Variants in GLIS3 observed in about 807,000 individuals in gnomAD.
The protein encoded by GLIS3 is GLIS family zinc finger 3, also known as zinc finger protein GLIS3.
Under a neutral mutation model 78.6 loss-of-function variants are expected in GLIS3, and 53 were observed. The ratio of observed to expected loss-of-function variants is 0.67; its 90% CI spans 0.54 to 0.85. The LOEUF (loss-of-function observed/expected upper bound fraction) is 0.85, where lower values mean the gene tolerates loss of function less well. GLIS3 is among the 40% of genes least tolerant of loss of function. The pLI is 0.00. For missense variants in GLIS3, 1,703 were observed against 1,231.1 expected (o/e 1.38, Z -5.74); for synonymous variants, 684 against 509.9 (o/e 1.34, Z -4.60).
chr9:3,879,548 C>T lies in GLIS3; in HGVS notation c.2176G>A (p.Gly726Arg). Residue 726 changes from glycine (G) to arginine (R), a missense_variant, in exon 8 of 11, where the codon GGG (glycine) becomes AGG (arginine). Gly to Arg is a moderately radical substitution (Grantham distance 125, BLOSUM62 -2). Transcript: ENST00000381971. Reference protein sequence around the residue: ...NYSSRSGTAAGAVPPPHPVSH... With the variant: ...NYSSRSGTAARAVPPPHPVSH... ...ACAGGATGTGGGGGTGGTACGGCCCCAGCAGCTGTTCCACTTCGGCTTGAA... is the reference window on the plus strand; with the variant it reads ...ACAGGATGTGGGGGTGGTACGGCCCTAGCAGCTGTTCCACTTCGGCTTGAA... 6.2e-7 allele frequency: 1 copy of T among 1,614,090 alleles called. No individual in the cohort carries two copies. The highest frequency in any genetic ancestry group is 2.2e-5 in the East Asian group (1 of 44,872).
At chr9:4,349,362 A>G (rs950375986), upstream of GLIS3, among the ~76,000 whole-genome samples, 15 of 152,232 alleles carry the variant, frequency 9.9e-5, no homozygotes, top group Admixed American at 8.5e-4. Flanking sequence ...AATGCTTTAT[A>G]ATAGTAAATG....
In GLIS3 at chr9:4,150,443, C is replaced by T. The variant is rs544255436; in HGVS notation, c.389-24502G>A. Among the ~76,000 whole-genome samples, 126 of 152,312 alleles carry T rather than the reference C, an allele frequency of 8.3e-4. 6 individuals carry two copies. The South Asian group carries it at 0.024, about 29-fold the overall frequency. On this transcript the variant is annotated intron_variant, in intron 2 of 10. Transcript: ENST00000381971. ...AGGGCAAAGTCGCAGGCCAGGAGGC[C>T]AAGTTCAGTCTGTGGCAAGCTCAGC...
chr9:4,431,673 C>G, the GLIS3 span, among the ~76,000 whole-genome samples: 1 of 151,966 alleles, frequency 6.6e-6, no homozygotes, highest in African/African-American at 2.4e-5. Flanking sequence ...GGTGAAATCC[C>G]ATCTCTACTA....
intron 4 of GLIS3, among the ~76,000 whole-genome samples, chr9:4,070,354 G>C (rs1313892509): frequency 6.6e-6 from 1 of 152,166 alleles, no homozygotes; most frequent in Non-Finnish European, 1.5e-5. Flanking sequence ...GACAAAGACT[G>C]CTTACTGGGA....
At chr9:4,037,017 T>A (rs1008125254) in intron 4 of GLIS3, among the ~76,000 whole-genome samples, 1 of 152,146 alleles carries the variant, frequency 6.6e-6, no homozygotes, top group Non-Finnish European at 1.5e-5. Flanking sequence ...GTGTCCATGT[T>A]CTAACCTTTG....
the GLIS3 span, among the ~76,000 whole-genome samples, chr9:4,401,443 T>C: frequency 6.6e-6 from 1 of 151,768 alleles, no homozygotes; most frequent in African/African-American, 2.4e-5. Context: ...ATTTTTTTTT[T>C]AGTAGAGATG....
At chr9:4,151,751 T>C (rs1456998845) in intron 2 of GLIS3, among the ~76,000 whole-genome samples, 2 of 152,146 alleles carry the variant, frequency 1.3e-5, no homozygotes, top group African/African-American at 4.8e-5. Flanking sequence ...TGAGTTTGGA[T>C]AGAGTCCTGT....
At chr9:4,185,056 C>T (rs1817661457) in intron 2 of GLIS3, among the ~76,000 whole-genome samples, 1 of 152,126 alleles carries the variant, frequency 6.6e-6, no homozygotes, top group African/African-American at 2.4e-5. Flanking sequence ...TAAGATTAGA[C>T]CATTGCCATC....
chr9:4,060,964 G>T (rs564540324), intron 4 of GLIS3, among the ~76,000 whole-genome samples: 1 of 152,116 alleles, frequency 6.6e-6, no homozygotes, highest in Non-Finnish European at 1.5e-5. Context: ...CTGCCTGCTA[G>T]TTCCTACTTT....
intron 9 of GLIS3, among the ~76,000 whole-genome samples, chr9:3,842,637 G>C (rs188654670): frequency 6.6e-5 from 10 of 152,266 alleles, no homozygotes; most frequent in African/African-American, 2.4e-4. Context: ...ACCAGGGTTG[G>C]GGGGCATCAG....
At chr9:4,199,399 A>G (rs1190953805) in intron 2 of GLIS3, among the ~76,000 whole-genome samples, 2 of 151,912 alleles carry the variant, frequency 1.3e-5, no homozygotes, top group Non-Finnish European at 2.9e-5. Flanking sequence ...AAAAAAGAGT[A>G]TAGGTAACTA....
intron 2 of GLIS3, among the ~76,000 whole-genome samples, chr9:4,148,832 A>G (rs1484245324): frequency 1.3e-5 from 2 of 152,160 alleles, no homozygotes; most frequent in Non-Finnish European, 2.9e-5. Flanking sequence ...AGTGGGGGTA[A>G]CGTGGCCAGA....
At chr9:4,243,336 G>T (rs1359067379) in intron 2 of GLIS3, among the ~76,000 whole-genome samples, 1 of 152,036 alleles carries the variant, frequency 6.6e-6, no homozygotes, top group Non-Finnish European at 1.5e-5. Context: ...ACTTTCCCTG[G>T]TAGTCAGGTG....
chr9:4,033,346 AG>A (rs1824011813), intron 4 of GLIS3, among the ~76,000 whole-genome samples: 1 of 152,186 alleles, frequency 6.6e-6, no homozygotes, highest in Admixed American at 6.5e-5. Context: ...CACTTCAGGA[AG>A]ATGGAACTAA....
chr9:4,084,929 A>G (rs1189861338), intron 4 of GLIS3, among the ~76,000 whole-genome samples: 1 of 151,892 alleles, frequency 6.6e-6, no homozygotes, highest in Non-Finnish European at 1.5e-5. Flanking sequence ...AAAGACGCAG[A>G]TAAGGGTGAC....
intron 4 of GLIS3, among the ~76,000 whole-genome samples, chr9:4,014,888 C>T (rs1822315623): frequency 6.6e-6 from 1 of 152,212 alleles, no homozygotes; most frequent in Non-Finnish European, 1.5e-5. Flanking sequence ...CTCACTGGTT[C>T]TTTCATTCCT....
At chr9:4,428,310 G>A in the GLIS3 span, among the ~76,000 whole-genome samples, 1 of 151,600 alleles carries the variant, frequency 6.6e-6, no homozygotes, top group African/African-American at 2.4e-5. Flanking sequence ...AAAACTCCAT[G>A]TCTACTAAAA....
chr9:3,950,554 C>T (rs1816610195), intron 4 of GLIS3, among the ~76,000 whole-genome samples: 1 of 152,210 alleles, frequency 6.6e-6, no homozygotes, highest in Admixed American at 6.5e-5. Context: ...TTTCCTTTGC[C>T]TGGAAAAATG....
At chr9:4,234,249 A>T (rs1822519721) in intron 2 of GLIS3, among the ~76,000 whole-genome samples, 1 of 152,216 alleles carries the variant, frequency 6.6e-6, no homozygotes, top group Non-Finnish European at 1.5e-5. Context: ...TTGGTTTTAG[A>T]CATGCCTTCC....
Sources: gnomAD v4.1 joint callset for allele counts (sites outside exome capture counted in the v4.1 genomes callset) on GRCh38, gnomAD v4.1.1 for gene constraint, MANE v1.5 for transcripts, NCBI Gene and HGNC (gene_info 2026-07-23, HGNC 2026-07-21) for gene names.